Variants in HSPB1 observed in about 807,000 individuals in gnomAD.
The protein encoded by HSPB1 is heat shock protein beta-1.
HSPB1 carries 19 observed loss-of-function variants against 17.0 expected under a neutral mutation model. The ratio of observed to expected loss-of-function variants is 1.12; its 90% CI spans 0.78 to 1.64. The LOEUF is 1.64. HSPB1 is among the 40% of genes most tolerant of loss of function. The pLI is 0.00. For synonymous variants in HSPB1, 165 were observed against 129.8 expected, an observed-to-expected ratio of 1.27 and a Z score of -1.84; for missense variants, 348 against 289.2, an observed-to-expected ratio of 1.20 and a Z score of -1.47.
chr7:76,302,899 A>T lies in HSPB1; in HGVS notation c.187A>T (p.Ile63Phe), dbSNP rs1803023566. Residue 63 changes from isoleucine (I) to phenylalanine (F), a missense_variant, in exon 1 of 3, where the codon ATC (isoleucine) becomes TTC (phenylalanine). Ile to Phe is a conservative substitution (Grantham distance 21). Transcript: ENST00000248553. Reference protein sequence around the residue: ...GYVRPLPPAAIESPAVAAPAY... With the variant: ...GYVRPLPPAAFESPAVAAPAY... ...CGTGCGCCCCCTGCCCCCCGCCGCC[A>T]TCGAGAGCCCCGCAGTGGCCGCGCC... is the stretch of plus-strand genomic sequence containing the variant. The T allele has an allele frequency of 2.6e-6, 4 of 1,553,826 alleles. No homozygotes were observed. The highest frequency in any genetic ancestry group is 2.4e-5 in the East Asian group (1 of 42,024).
intron 1 of HSPB1, 106 bp downstream of exon 1, chr7:76,303,182 T>G: frequency 7.3e-7 from 1 of 1,362,330 alleles, no homozygotes; most frequent in Non-Finnish European, 9.9e-7. Context: ...GAGTTAAACG[T>G]TGGCCCAGCA....
chr7:76,303,988 C>A lies in HSPB1; in HGVS notation c.433C>A (p.Pro145Thr). The change falls in exon 3 of 3, where the codon CCC becomes ACC. Residue 145 changes from proline (P) to threonine (T), a missense_variant. Physicochemically the swap from Pro to Thr is conservative, Grantham distance 38 (BLOSUM62 -1). Coordinates refer to ENST00000248553, the MANE Select transcript of HSPB1 (RefSeq NM_001540.5). ...CTTTCCTCTCTGCACGTCCAGGCTG[C>A]CCCCCGGTGTGGACCCCACCCAAGT... ...SRCFTRKYTL[P>T]PGVDPTQVSS... The A allele has an allele frequency of 6.2e-7, 1 of 1,613,504 alleles. No homozygotes were observed. Among genetic ancestry groups the A allele is most frequent in the Non-Finnish European group, 8.5e-7 (1 of 1,179,830 alleles).
At position 76,302,887 on chromosome 7, in the gene HSPB1, C is replaced by A. The variant is rs763084460; in HGVS notation, c.175C>A (p.Pro59Thr). The stretch of plus-strand genomic sequence containing the variant: ...CTGGCCAGGCTACGTGCGCCCCCTG[C>A]CCCCCGCCGCCATCGAGAGCCCCGC... ...SSWPGYVRPLPPAAIESPAVA... is the reference protein window; with the variant it reads ...SSWPGYVRPLTPAAIESPAVA... The change falls in exon 1 of 3, where the codon CCC becomes ACC. Residue 59 changes from proline (P) to threonine (T), a missense_variant. Pro to Thr is a conservative substitution (Grantham distance 38). Transcript: ENST00000248553. 4 of 1,560,174 alleles carry A rather than the reference C, an allele frequency of 2.6e-6. No homozygotes were observed. The South Asian group carries it at 3.5e-5, about 14-fold the overall frequency.
chr7:76,304,091 T>C lies in HSPB1; in HGVS notation c.536T>C (p.Ile179Thr). The C allele has an allele frequency of 3.1e-6, 5 of 1,613,702 alleles. No individual in the cohort carries two copies. Among genetic ancestry groups the C allele is most frequent in the Non-Finnish European group, 4.2e-6 (5 of 1,179,924 alleles). ...AAGCTAGCCACGCAGTCCAACGAGA[T>C]CACCATCCCAGTCACCTTCGAGTCG... ...MPKLATQSNEITIPVTFESRA... is the reference protein window; with the variant it reads ...MPKLATQSNETTIPVTFESRA... The change falls in exon 3 of 3, where the codon ATC becomes ACC. Residue 179 changes from isoleucine (I) to threonine (T), a missense_variant. By Grantham distance (89) the Ile-to-Thr change is moderately conservative (BLOSUM62 -1). Coordinates refer to ENST00000248553, the MANE Select transcript of HSPB1 (RefSeq NM_001540.5).
intron 1 of HSPB1, 45 bp from the exon 2 acceptor site, chr7:76,303,756 AG>A: frequency 6.4e-7 from 1 of 1,574,536 alleles, no homozygotes; most frequent in Non-Finnish European, 8.7e-7. Flanking sequence ...CGGGGCCGAA[AG>A]GCAGTCCCCT....
chr7:76,303,373 C>A, intron 1 of HSPB1: 1 of 508,772 alleles, frequency 2.0e-6, no homozygotes, highest in Non-Finnish European at 3.5e-6. Context: ...CGCCCCGACC[C>A]CGCGCCATTA....
chr7:76,303,711 C>T, intron 1 of HSPB1, 91 bp from the exon 2 acceptor site: 4 of 1,102,122 alleles, frequency 3.6e-6, no homozygotes, highest in South Asian at 1.2e-5. Flanking sequence ...GCAGTCCTGG[C>T]TGCTTCCAAG....
At chr7:76,303,185 G>T (rs1803035894) in intron 1 of HSPB1, 109 bp downstream of exon 1, 15 of 1,341,488 alleles carry the variant, frequency 1.1e-5, no homozygotes, top group Non-Finnish European at 1.3e-5. Context: ...TTAAACGTTG[G>T]CCCAGCACCG....
rs199712600 is a variant in HSPB1 at position 76,302,745 on chromosome 7, G to C, written c.33G>C (p.Leu11=). MTERRVPFSL[L]RGPSWDPFRD... is the part of the protein sequence containing the mutation. The stretch of plus-strand genomic sequence containing the variant: ...AGCGCCGCGTCCCCTTCTCGCTCCT[G>C]CGGGGCCCCAGCTGGGACCCCTTCC... The change falls in exon 1 of 3, where the codon CTG becomes CTC. Residue 11 remains leucine, a synonymous_variant. Coordinates refer to ENST00000248553, the MANE Select transcript of HSPB1 (RefSeq NM_001540.5). The C allele has an allele frequency of 6.8e-6, 11 of 1,605,878 alleles. No individual in the cohort carries two copies. In the East Asian group the frequency reaches 2.5e-4, roughly 36 times the overall value.
chr7:76,303,375 G>A (rs1190493982), intron 1 of HSPB1: 3 of 440,548 alleles, frequency 6.8e-6, no homozygotes, highest in African/African-American at 4.6e-5. Context: ...CCCCGACCCC[G>A]CGCCATTACA....
intron 1 of HSPB1, 139 bp from the exon 2 acceptor site, chr7:76,303,663 C>T: frequency 1.0e-5 from 7 of 672,378 alleles, no homozygotes; most frequent in South Asian, 6.9e-5. Flanking sequence ...GCGGGCACGC[C>T]CCCATCCCCA....
Position 76,303,869 on chromosome 7 carries a change from A to G in HSPB1, c.428+4A>G, listed in dbSNP as rs1803061271. Reference sequence around the variant, plus strand: ...GGTGCTTCACGCGGAAATACACGTGAGTCCTGGCGCCAGGTCGGGGTGGGT... The same window carrying G: ...GGTGCTTCACGCGGAAATACACGTGGGTCCTGGCGCCAGGTCGGGGTGGGT... On this transcript the variant is annotated splice_donor_region_variant and intron_variant, in intron 2 of 2. Transcript: ENST00000248553. The G allele has an allele frequency of 8.5e-7, 1 of 1,171,316 alleles. No individual in the cohort carries two copies. The highest frequency in any genetic ancestry group is 1.9e-5 in the Admixed American group (1 of 53,630). 72.6% of individuals were successfully genotyped at this position (1,171,316 alleles called of 1,614,324 possible).
Position 76,302,959 on chromosome 7 carries a change from A to C in HSPB1, c.247A>C (p.Ser83Arg). The change falls in exon 1 of 3, where the codon AGC becomes CGC. Residue 83 changes from serine to arginine, a missense_variant. Ser to Arg is a moderately radical substitution (Grantham distance 110, BLOSUM62 -1). Transcript: ENST00000248553. ...CCGCGCGCTCAGCCGGCAACTCAGC[A>C]GCGGGGTCTCGGAGATCCGGCACAC... ...YSRALSRQLS[S>R]GVSEIRHTAD... The C allele has an allele frequency of 6.5e-7, 1 of 1,544,840 alleles. No homozygotes were observed. Among genetic ancestry groups the C allele is most frequent in the African/African-American group, 1.4e-5 (1 of 73,680 alleles).
Position 76,303,805 on chromosome 7 carries a change from A to T in HSPB1, c.368A>T (p.Lys123Met). 6.2e-7 allele frequency: 1 copy of T among 1,604,056 alleles called. No homozygotes were observed. The highest frequency in any genetic ancestry group is 1.7e-5 in the Admixed American group (1 of 59,658). Residue 123 changes from lysine (K) to methionine (M), a missense_variant, in exon 2 of 3, where the codon AAG (lysine) becomes ATG (methionine). Lys to Met is a moderately conservative substitution (Grantham distance 95). Coordinates refer to ENST00000248553, the MANE Select transcript of HSPB1 (RefSeq NM_001540.5). Reference protein sequence around the residue: ...TKDGVVEITGKHEERQDEHGY... With the variant: ...TKDGVVEITGMHEERQDEHGY... ...GATTTCCCTCTTCCCCCCAAAGGCA[A>T]GCACGAGGAGCGGCAGGACGAGCAT...
Position 76,302,978 on chromosome 7 carries a change from G to C in HSPB1, c.266G>C (p.Arg89Pro). Residue 89 changes from arginine (R) to proline (P), a missense_variant, in exon 1 of 3, where the codon CGG (arginine) becomes CCG (proline). By Grantham distance (103) the Arg-to-Pro change is moderately radical. Transcript: ENST00000248553. Reference sequence around the variant, plus strand: ...CTCAGCAGCGGGGTCTCGGAGATCCGGCACACTGCGGACCGCTGGCGCGTG... The same window carrying C: ...CTCAGCAGCGGGGTCTCGGAGATCCCGCACACTGCGGACCGCTGGCGCGTG... ...RQLSSGVSEI[R>P]HTADRWRVSL... The C allele has an allele frequency of 1.3e-6, 2 of 1,543,864 alleles. No individual in the cohort carries two copies. The highest frequency in any genetic ancestry group is 1.7e-6 in the Non-Finnish European group (2 of 1,150,162).
At position 76,302,829 on chromosome 7, in the gene HSPB1, G is replaced by T; in HGVS notation, c.117G>T (p.Pro39=). The T allele has an allele frequency of 1.9e-6, 3 of 1,605,006 alleles. No homozygotes were observed. The highest frequency in any genetic ancestry group is 2.5e-6 in the Non-Finnish European group (3 of 1,178,238). ...AGGCCTTCGGGCTGCCCCGGCTGCC[G>T]GAGGAGTGGTCGCAGTGGTTAGGCG... ...FDQAFGLPRL[P]EEWSQWLGGS... Residue 39 remains proline, a synonymous_variant, in exon 1 of 3, where the codon CCG becomes CCT. Coordinates refer to ENST00000248553, the MANE Select transcript of HSPB1 (RefSeq NM_001540.5).
chr7:76,303,001 G>C lies in HSPB1; in HGVS notation c.289G>C (p.Val97Leu), dbSNP rs1489214439. The C allele has an allele frequency of 4.5e-6, 7 of 1,543,832 alleles. No individual in the cohort carries two copies. Among genetic ancestry groups the C allele is most frequent in the Non-Finnish European group, 6.1e-6 (7 of 1,149,962 alleles). ...CCGGCACACTGCGGACCGCTGGCGCGTGTCCCTGGATGTCAACCACTTCGC... is the reference window on the plus strand; with the variant it reads ...CCGGCACACTGCGGACCGCTGGCGCCTGTCCCTGGATGTCAACCACTTCGC... ...EIRHTADRWR[V>L]SLDVNHFAPD... Residue 97 changes from valine (V) to leucine (L), a missense_variant, in exon 1 of 3, where the codon GTG becomes CTG. Val to Leu is a conservative substitution (Grantham distance 32). Transcript: ENST00000248553.
chr7:76,302,775 C>G lies in HSPB1; in HGVS notation c.63C>G (p.Asp21Glu), dbSNP rs1803014755. ...GCCCCAGCTGGGACCCCTTCCGCGA[C>G]TGGTACCCGCATAGCCGCCTCTTCG... ...LRGPSWDPFRDWYPHSRLFDQ... is the reference protein window; with the variant it reads ...LRGPSWDPFREWYPHSRLFDQ... The change falls in exon 1 of 3, where the codon GAC (aspartate) becomes GAG (glutamate). Residue 21 changes from aspartate (D) to glutamate (E), a missense_variant. Asp to Glu is a conservative substitution (Grantham distance 45). Coordinates refer to ENST00000248553, the MANE Select transcript of HSPB1 (RefSeq NM_001540.5). 1.2e-6 allele frequency: 2 copies of G among 1,607,966 alleles called. No individual in the cohort carries two copies. Among genetic ancestry groups the G allele is most frequent in the Non-Finnish European group, 1.7e-6 (2 of 1,179,510 alleles).
intron 1 of HSPB1, 157 bp downstream of exon 1, chr7:76,303,233 G>A: frequency 1.1e-6 from 1 of 906,728 alleles, no homozygotes; most frequent in Non-Finnish European, 1.6e-6. Context: ...CTCAGGAATT[G>A]GGAGTGCGGG....
Sources: gnomAD v4.1 joint callset for allele counts on GRCh38, gnomAD v4.1.1 for gene constraint, MANE v1.5 for transcripts, NCBI Gene and HGNC (gene_info 2026-07-23, HGNC 2026-07-21) for gene names.